RBPJ: variants seen among roughly 807,000 people sequenced by gnomAD.
RBPJ encodes the protein recombination signal binding protein for immunoglobulin kappa J region.
In RBPJ, 9 loss-of-function variants were observed where a neutral mutation model predicts 67.8. The ratio of observed to expected loss-of-function variants is 0.13; its 90% CI spans 0.08 to 0.23. The LOEUF (loss-of-function observed/expected upper bound fraction) is 0.23, where lower values mean the gene tolerates loss of function less well. Ranked by LOEUF, RBPJ falls within the 10% of genes least tolerant of loss-of-function variation. The probability of loss-of-function intolerance (pLI) is 1.00; values close to 1 mark genes in which losing one functional copy is unlikely to be tolerated. For missense variants in RBPJ, 305 were observed against 595.6 expected, an observed-to-expected ratio of 0.51 and a Z score of 5.08; for synonymous variants, 198 against 203.3, an observed-to-expected ratio of 0.97 and a Z score of 0.22.
intron 1 of RBPJ, among the ~76,000 whole-genome samples, chr4:26,306,381 T>A (rs1251829051): frequency 6.6e-6 from 1 of 151,822 alleles, no homozygotes; most frequent in Non-Finnish European, 1.5e-5. Flanking sequence ...TATTGAGGAT[T>A]TTGTGTCAAT....
At chr4:26,261,431 G>T (rs1422018210) in intron 1 of RBPJ, among the ~76,000 whole-genome samples, 1 of 152,132 alleles carries the variant, frequency 6.6e-6, no homozygotes, top group Non-Finnish European at 1.5e-5. Context: ...GCTTTAGGAA[G>T]TAGAAAAGAA....
chr4:26,293,655 AT>A (rs1178159469), intron 1 of RBPJ, among the ~76,000 whole-genome samples: 3 of 146,636 alleles, frequency 2.0e-5, no homozygotes, highest in Admixed American at 6.7e-5. Flanking sequence ...AAATAAAAAA[AT>A]AAAAAGCACA....
At chr4:26,362,931 A>G (rs1016750695) in intron 1 of RBPJ, among the ~76,000 whole-genome samples, 28 of 152,270 alleles carry the variant, frequency 1.8e-4, no homozygotes, top group Admixed American at 1.6e-3. Context: ...TTATTCATGT[A>G]TTACTCTGTA....
At chr4:26,296,678 T>C (rs1577400503) in intron 1 of RBPJ, among the ~76,000 whole-genome samples, 1 of 152,220 alleles carries the variant, frequency 6.6e-6, no homozygotes, top group Admixed American at 6.5e-5. Flanking sequence ...TTGTACCTAA[T>C]ATACGCTACA....
At chr4:26,321,012 G>T (rs1437785850), upstream of RBPJ, 3 of 1,613,760 alleles carry the variant, frequency 1.9e-6, no homozygotes, top group East Asian at 4.5e-5. Flanking sequence ...TGGAGTTTTG[G>T]CGAGAGTTTG....
intron 1 of RBPJ, among the ~76,000 whole-genome samples, chr4:26,270,204 C>T (rs1720832080): frequency 6.7e-6 from 1 of 149,350 alleles, no homozygotes; most frequent in Non-Finnish European, 1.5e-5. Context: ...ATCGCTTGAC[C>T]AGGGAGGCAG....
intron 5 of RBPJ, among the ~76,000 whole-genome samples, chr4:26,423,941 T>G (rs1735389845): frequency 6.6e-6 from 1 of 152,208 alleles, no homozygotes; most frequent in South Asian, 2.1e-4. Flanking sequence ...CAGAGTATTT[T>G]ATAGTCTGCT....
chr4:26,334,093 C>T (rs997134783), intron 1 of RBPJ, among the ~76,000 whole-genome samples: 5 of 150,952 alleles, frequency 3.3e-5, no homozygotes, highest in African/African-American at 4.9e-5. Context: ...CAGGCTGGAG[C>T]GCAGTGATGC....
chr4:26,184,899 T>G (rs1717175273), intron 1 of RBPJ, among the ~76,000 whole-genome samples: 2 of 152,154 alleles, frequency 1.3e-5, no homozygotes, highest in South Asian at 4.1e-4. Flanking sequence ...CCCAGCACTT[T>G]GGGAGGCCAA....
chr4:26,420,197 T>C (rs539585458), intron 4 of RBPJ, among the ~76,000 whole-genome samples: 1 of 152,206 alleles, frequency 6.6e-6, no homozygotes, highest in South Asian at 2.1e-4. Flanking sequence ...AGTCATTGAT[T>C]TTTTTTAACT....
chr4:26,109,483 TATATATATACACACACAC>T, the RBPJ span, among the ~76,000 whole-genome samples: 23 of 59,004 alleles, frequency 3.9e-4, no homozygotes, highest in East Asian at 6.0e-4. Context: ...TATATATATA[TATATATATACACACACAC>T]ATATATATAT....
chr4:26,386,434 A>G (rs562909310), intron 2 of RBPJ, 43 bp downstream of exon 2: 51 of 1,317,108 alleles, frequency 3.9e-5, no homozygotes, highest in Admixed American at 1.7e-4. Context: ...ACATTTTATG[A>G]AAGTATAAAT....
chr4:26,335,514 CTCT>C (rs1382849591), intron 1 of RBPJ, among the ~76,000 whole-genome samples: 2 of 151,400 alleles, frequency 1.3e-5, no homozygotes, highest in African/African-American at 2.4e-5. Context: ...ATTCTGCGTT[CTCT>C]TCTTTTTGCT....
chr4:26,210,727 C>CCTTCTTTTCTTCTTTCTTTCCTTCTTTA, intron 1 of RBPJ, among the ~76,000 whole-genome samples: 1 of 61,848 alleles, frequency 1.6e-5, no homozygotes, highest in South Asian at 6.1e-4. Context: ...TTCTTTCTTT[C>CCTTCTTTTCTTCTTTCTTTCCTTCTTTA]CTTCTTTACT....
chr4:26,176,699 A>G (rs1403927136), intron 1 of RBPJ, among the ~76,000 whole-genome samples: 1 of 152,252 alleles, frequency 6.6e-6, no homozygotes, highest in Non-Finnish European at 1.5e-5. Flanking sequence ...ATCATGGGAC[A>G]TAGCTCCAAG....
At chr4:26,384,062 G>T (rs1192693409) in intron 1 of RBPJ, 2 of 152,078 alleles carry the variant, frequency 1.3e-5, no homozygotes, top group African/African-American at 4.8e-5. Flanking sequence ...GTTTCACCAT[G>T]TCTCAAATTC....
At chr4:26,204,922 A>T (rs1284672781) in intron 1 of RBPJ, among the ~76,000 whole-genome samples, 1 of 152,146 alleles carries the variant, frequency 6.6e-6, no homozygotes, top group African/African-American at 2.4e-5. Context: ...CACTCATTTC[A>T]CTGGAGACAC....
intron 1 of RBPJ, among the ~76,000 whole-genome samples, chr4:26,337,394 A>G (rs1724963093): frequency 6.6e-6 from 1 of 152,084 alleles, no homozygotes; most frequent in Admixed American, 6.5e-5. Flanking sequence ...CTCTACATAA[A>G]TTGAATTATA....
chr4:26,227,854 A>G (rs1719132629), intron 1 of RBPJ, among the ~76,000 whole-genome samples: 1 of 152,164 alleles, frequency 6.6e-6, no homozygotes, highest in Non-Finnish European at 1.5e-5. Flanking sequence ...TCTCCGGTTG[A>G]GTTTTTCACT....
Sources: allele counts gnomAD v4.1 joint callset (sites outside exome capture counted in the v4.1 genomes callset), GRCh38; gene constraint gnomAD v4.1.1; transcripts MANE v1.5; gene names NCBI Gene and HGNC (gene_info 2026-07-23, HGNC 2026-07-21).